DGLUCY: variants seen among roughly 807,000 people sequenced by gnomAD.
The protein encoded by DGLUCY is D-glutamate cyclase, mitochondrial.
DGLUCY carries 58 observed loss-of-function variants against 58.5 expected under a neutral mutation model. The observed-to-expected ratio is 0.99, with a 90% CI of 0.80 to 1.23. DGLUCY has a LOEUF of 1.23. Ranked by LOEUF, DGLUCY falls within the 50% of genes most tolerant of loss-of-function variation. The pLI, the probability that DGLUCY is intolerant of heterozygous loss-of-function variation, is 0.00. For synonymous variants in DGLUCY, 325 were observed against 314.1 expected (o/e 1.03, Z -0.37); for missense variants, 779 against 784.7 (o/e 0.99, Z 0.09).
intron 1 of DGLUCY, among the ~76,000 whole-genome samples, chr14:91,081,202 CAAAAAAAAAACA>C (rs2140047023): frequency 1.0e-5 from 1 of 99,840 alleles, no homozygotes; most frequent in African/African-American, 4.1e-5. Flanking sequence ...GACTCCGTCT[CAAAAAAAAAACA>C]AAAAAAAAAG....
intron 13 of DGLUCY, among the ~76,000 whole-genome samples, chr14:91,218,220 G>A (rs2140760957): frequency 6.6e-6 from 1 of 151,906 alleles, no homozygotes; most frequent in East Asian, 1.9e-4. Context: ...ATCTGAACTG[G>A]AAAAAAACAT....
chr14:91,220,921 A>C (rs1887381000), intron 13 of DGLUCY, among the ~76,000 whole-genome samples: 1 of 152,232 alleles, frequency 6.6e-6, no homozygotes, highest in Admixed American at 6.5e-5. Context: ...CCTGGGCAGG[A>C]AAGAGGCTAA....
chr14:91,108,699 G>A (rs557027829), intron 1 of DGLUCY, among the ~76,000 whole-genome samples: 17 of 151,984 alleles, frequency 1.1e-4, no homozygotes, highest in Middle Eastern at 3.4e-3. Context: ...CACCATGCCC[G>A]GCTAATTTTT....
At chr14:91,137,850 A>G (rs1448264446) in intron 1 of DGLUCY, among the ~76,000 whole-genome samples, 1 of 151,954 alleles carries the variant, frequency 6.6e-6, no homozygotes, top group African/African-American at 2.4e-5. Flanking sequence ...CTGCCTTGGG[A>G]GAGAGGGGAG....
At chr14:91,198,246 G>A (rs1484410738) in intron 10 of DGLUCY, among the ~76,000 whole-genome samples, 1 of 151,294 alleles carries the variant, frequency 6.6e-6, no homozygotes, top group Admixed American at 6.6e-5. Flanking sequence ...GTTTCACCAT[G>A]TTGACCAGGC....
At chr14:91,158,133 G>A (rs1020162299) in intron 2 of DGLUCY, among the ~76,000 whole-genome samples, 1 of 152,230 alleles carries the variant, frequency 6.6e-6, no homozygotes, top group Non-Finnish European at 1.5e-5. Flanking sequence ...TCTGCAGTGT[G>A]CAGTGACCCT....
chr14:91,121,609 AAATAATAATAAT>A lies in DGLUCY; in HGVS notation c.-82+7360_-82+7371del, dbSNP rs55743510. The stretch of plus-strand genomic sequence containing the variant: ...GTGACAGAGTGAGACTCCATCTCAA[AAATAATAATAAT>A]AATAATAATAATAATAATAATAATA... On this transcript the variant is annotated intron_variant, in intron 1 of 13. Transcript: ENST00000256324. Among the ~76,000 whole-genome samples, 852 of 142,780 alleles carry A rather than the reference AAATAATAATAAT, an allele frequency of 6.0e-3. 2 individuals carry two copies. Among genetic ancestry groups the A allele is most frequent in the South Asian group, 0.02 (88 of 4,508 alleles). The allele number at this position is 142,780 out of a possible 152,430, so 93.7% of individuals were successfully genotyped here. A position where few individuals can be genotyped will look rare whatever the true frequency, so the allele number is the denominator to read the frequency against.
intron 1 of DGLUCY, among the ~76,000 whole-genome samples, chr14:91,088,988 G>A (rs2044265912): frequency 6.6e-6 from 1 of 152,210 alleles, no homozygotes; most frequent in Non-Finnish European, 1.5e-5. Context: ...TAACAAGCTA[G>A]TGGTTAGATC....
At position 91,224,697 on chromosome 14, in the gene DGLUCY, TG is replaced by T; in HGVS notation, c.1733del (p.Gly578AlafsTer32). ...LPSVIKEEKM[L>X]GILVQHKVRS... Reference sequence around the variant, plus strand: ...ATTTTTTTCCAGGAAGAAAAAATGCTGGGCATCTTGGTGCAGCACAAAGTCC... The same window carrying T: ...ATTTTTTTCCAGGAAGAAAAAATGCTGGCATCTTGGTGCAGCACAAAGTCC... On this transcript the variant is annotated frameshift_variant, in exon 14 of 14. Coordinates refer to ENST00000256324, the MANE Select transcript of DGLUCY (RefSeq NM_001102368.3). LOFTEE classifies it low-confidence loss of function (END_TRUNC). 1 of 1,598,198 alleles carries T rather than the reference TG, an allele frequency of 6.3e-7. No homozygotes were observed. The highest frequency in any genetic ancestry group is 8.6e-7 in the Non-Finnish European group (1 of 1,168,016).
chr14:91,200,992 G>A (rs892671071), intron 11 of DGLUCY, among the ~76,000 whole-genome samples: 5 of 151,638 alleles, frequency 3.3e-5, no homozygotes, highest in Admixed American at 3.3e-4. Context: ...CTTCTTCAGG[G>A]TGGGGGAGGA....
chr14:91,177,929 T>C (rs78477040), intron 7 of DGLUCY, among the ~76,000 whole-genome samples: 258 of 152,278 alleles, frequency 1.7e-3, no homozygotes, highest in African/African-American at 6.0e-3. Context: ...CTTGTCTGAG[T>C]GTGTGTGTGG....
At chr14:91,111,065 A>T (rs191531314), upstream of DGLUCY, among the ~76,000 whole-genome samples, 30 of 152,258 alleles carry the variant, frequency 2.0e-4, 1 homozygote, top group Middle Eastern at 0.027. Flanking sequence ...AGGCTGCTAG[A>T]ACAAAATACC....
chr14:91,117,597 TG>T (rs1228629102), intron 1 of DGLUCY, among the ~76,000 whole-genome samples: 6 of 151,718 alleles, frequency 4.0e-5, no homozygotes, highest in African/African-American at 1.5e-4. Flanking sequence ...ACATAGTACA[TG>T]AAAAGTGTTT....
intron 1 of DGLUCY, among the ~76,000 whole-genome samples, chr14:91,087,039 G>T (rs1208540129): frequency 6.6e-6 from 1 of 152,216 alleles, no homozygotes; most frequent in Non-Finnish European, 1.5e-5. Context: ...TGCACATGCA[G>T]GTGGCTGCAG....
intron 4 of DGLUCY, among the ~76,000 whole-genome samples, chr14:91,167,926 A>C (rs2048372927): frequency 6.6e-6 from 1 of 152,110 alleles, no homozygotes; most frequent in Admixed American, 6.6e-5. Context: ...CTTTCCCAGC[A>C]GAGTGACTTT....
At chr14:91,206,494 T>C (rs1402268556) in intron 12 of DGLUCY, among the ~76,000 whole-genome samples, 2 of 152,174 alleles carry the variant, frequency 1.3e-5, no homozygotes, top group African/African-American at 2.4e-5. Flanking sequence ...ACTATTCTTA[T>C]GCCTCAGCCT....
At chr14:91,175,396 G>A (rs2048800557) in intron 6 of DGLUCY, among the ~76,000 whole-genome samples, 1 of 152,130 alleles carries the variant, frequency 6.6e-6, no homozygotes, top group African/African-American at 2.4e-5. Flanking sequence ...ACAGAACCTA[G>A]CCTTTTGTGA....
intron 5 of DGLUCY, among the ~76,000 whole-genome samples, chr14:91,170,985 A>G (rs1471760070): frequency 6.6e-6 from 1 of 152,144 alleles, no homozygotes; most frequent in Non-Finnish European, 1.5e-5. Context: ...AAAGCTGCCC[A>G]TAGTCTGTGC....
At chr14:91,108,683 A>G (rs2044642788) in intron 1 of DGLUCY, among the ~76,000 whole-genome samples, 1 of 152,048 alleles carries the variant, frequency 6.6e-6, no homozygotes, top group South Asian at 2.1e-4. Flanking sequence ...GACTACAGGC[A>G]TGTGCCACCA....
Sources: allele counts gnomAD v4.1 joint callset (sites outside exome capture counted in the v4.1 genomes callset), GRCh38; gene constraint gnomAD v4.1.1; transcripts MANE v1.5; gene names NCBI Gene and HGNC (gene_info 2026-07-23, HGNC 2026-07-21).